TMEM74: variants seen among roughly 807,000 people sequenced by gnomAD.
The protein encoded by TMEM74 is transmembrane protein 74.
Under a neutral mutation model 18.1 loss-of-function variants are expected in TMEM74, and 13 were observed. The ratio of observed to expected loss-of-function variants is 0.72; its 90% confidence interval spans 0.47 to 1.14. The LOEUF (loss-of-function observed/expected upper bound fraction) is 1.14, where lower values mean the gene tolerates loss of function less well. Ranked by LOEUF, TMEM74 falls within the 50% of genes most tolerant of loss-of-function variation. TMEM74 has a pLI of 0.00. For synonymous variants in TMEM74, 159 were observed against 146.6 expected (o/e 1.08, Z -0.61); for missense variants, 372 against 375.9 (o/e 0.99, Z 0.09).
At chr8:108,662,876 G>C (rs776083903) in intron 1 of TMEM74, among the ~76,000 whole-genome samples, 9 of 152,104 alleles carry the variant, frequency 5.9e-5, no homozygotes, top group Non-Finnish European at 1.3e-4. Context: ...ACAGTACTCT[G>C]ACTCACCCTG....
At chr8:108,617,194 T>A (rs550849689) in intron 2 of TMEM74, among the ~76,000 whole-genome samples, 1 of 151,850 alleles carries the variant, frequency 6.6e-6, no homozygotes, top group East Asian at 2.0e-4. Flanking sequence ...CGCAAGCAGA[T>A]GCAAAGGCCC....
chr8:108,670,380 T>C (rs1812992238), intron 1 of TMEM74, among the ~76,000 whole-genome samples: 1 of 152,046 alleles, frequency 6.6e-6, no homozygotes, highest in African/African-American at 2.4e-5. Context: ...AAGAAAGGAG[T>C]GTCTTAGTTT....
chr8:108,631,855 C>G (rs1211804286), intron 2 of TMEM74, among the ~76,000 whole-genome samples: 1 of 152,000 alleles, frequency 6.6e-6, no homozygotes, highest in Non-Finnish European at 1.5e-5. Context: ...TTGACCAATA[C>G]AAGCCACTGG....
intron 2 of TMEM74, among the ~76,000 whole-genome samples, chr8:108,651,941 TAA>T (rs762994031): frequency 5.0e-5 from 7 of 140,882 alleles, no homozygotes; most frequent in Non-Finnish European, 4.7e-5. Flanking sequence ...CATGTGTCGC[TAA>T]AAAAAAAAAA....
intron 1 of TMEM74, among the ~76,000 whole-genome samples, chr8:108,669,201 G>A (rs527629345): frequency 8.5e-5 from 13 of 152,142 alleles, no homozygotes; most frequent in Admixed American, 3.3e-4. Context: ...TATCAAATAC[G>A]TAACTTCTCC....
intron 1 of TMEM74, among the ~76,000 whole-genome samples, chr8:108,656,082 G>T (rs1812818689): frequency 6.6e-6 from 1 of 152,132 alleles, no homozygotes; most frequent in African/African-American, 2.4e-5. Context: ...TCATTCAAAA[G>T]GAATTTTCCC....
chr8:108,677,532 CTTAG>C (rs1039672892), intron 1 of TMEM74, among the ~76,000 whole-genome samples: 8 of 147,766 alleles, frequency 5.4e-5, no homozygotes, highest in African/African-American at 1.8e-4. Flanking sequence ...TCAAAACGGC[CTTAG>C]TATTCTGTTG....
At chr8:108,681,535 C>G (rs944306348) in intron 1 of TMEM74, among the ~76,000 whole-genome samples, 2 of 152,102 alleles carry the variant, frequency 1.3e-5, no homozygotes, top group African/African-American at 4.8e-5. Flanking sequence ...ATTAAGTTCT[C>G]TTAAATAGAA....
At chr8:108,722,752 T>A (rs545969312) in intron 1 of TMEM74, among the ~76,000 whole-genome samples, 25 of 150,866 alleles carry the variant, frequency 1.7e-4, no homozygotes, top group African/African-American at 5.9e-4. Flanking sequence ...ATTTTTTTTT[T>A]AAAAGGGGAT....
Position 108,784,758 on chromosome 8 carries a change from A to C in TMEM74, c.341T>G (p.Val114Gly), listed in dbSNP as rs200476024. ...SQELETSFTY[V>G]DKNINLEQRN... Reference sequence around the variant, plus strand: ...CTGCTCCAAGTTGATGTTTTTGTCCACATAGGTAAAAGAAGTTTCTAATTC... The same window carrying C: ...CTGCTCCAAGTTGATGTTTTTGTCCCCATAGGTAAAAGAAGTTTCTAATTC... The change falls in exon 2 of 2, where the codon GTG (valine) becomes GGG (glycine). Residue 114 changes from valine (V) to glycine (G), a missense_variant. Coordinates refer to ENST00000297459, the MANE Select transcript of TMEM74 (RefSeq NM_153015.3). 4 of 1,614,184 alleles carry C rather than the reference A, an allele frequency of 2.5e-6. No homozygotes were observed.
At chr8:108,772,821 G>C (rs1390209228) in intron 1 of TMEM74, among the ~76,000 whole-genome samples, 3 of 152,122 alleles carry the variant, frequency 2.0e-5, no homozygotes, top group African/African-American at 7.2e-5. Flanking sequence ...CCTTGGGGAA[G>C]CTAATAATTT....
intron 2 of TMEM74, among the ~76,000 whole-genome samples, chr8:108,629,162 A>C (rs1812525576): frequency 6.6e-6 from 1 of 152,098 alleles, no homozygotes; most frequent in Non-Finnish European, 1.5e-5. Flanking sequence ...GCTGAAAAAC[A>C]CAGCACGAGA....
At chr8:108,670,180 T>G (rs942900455) in intron 1 of TMEM74, among the ~76,000 whole-genome samples, 2 of 152,172 alleles carry the variant, frequency 1.3e-5, no homozygotes, top group African/African-American at 4.8e-5. Flanking sequence ...AATTATTTGA[T>G]CTGCTGTCAA....
intron 2 of TMEM74, among the ~76,000 whole-genome samples, chr8:108,630,731 G>T (rs1014220234): frequency 6.6e-6 from 1 of 151,970 alleles, no homozygotes; most frequent in African/African-American, 2.4e-5. Context: ...GTTATTTACT[G>T]GGTAAATAAT....
rs186182930 is a variant in TMEM74 at position 108,648,110 on chromosome 8, C to T, written n.264+7183G>A. Among the ~76,000 whole-genome samples the T allele has an allele frequency of 1.6e-3, 251 of 152,180 alleles. 3 individuals are homozygous for T. Among genetic ancestry groups the T allele is most frequent in the Admixed American group, 0.014 (210 of 15,258 alleles). ...TTGAAAAATAGCCACAGGTTCTTCC[C>T]GTTTTTTTGCATCCAGGTTCTTACA... On this transcript the variant is annotated intron_variant and non_coding_transcript_variant, in intron 2 of 3. Transcript: ENST00000518838.
intron 1 of TMEM74, among the ~76,000 whole-genome samples, chr8:108,720,588 T>C (rs1240315547): frequency 2.0e-5 from 3 of 152,190 alleles, no homozygotes; most frequent in Non-Finnish European, 4.4e-5. Context: ...AATTAGGTAG[T>C]CTATAAGCTC....
At chr8:108,755,846 T>C (rs944788684) in intron 1 of TMEM74, among the ~76,000 whole-genome samples, 1 of 152,012 alleles carries the variant, frequency 6.6e-6, no homozygotes, top group Non-Finnish European at 1.5e-5. Flanking sequence ...CATATTAAAA[T>C]TAACTTAAGG....
At chr8:108,640,368 C>G (rs1812652056) in intron 2 of TMEM74, among the ~76,000 whole-genome samples, 1 of 151,934 alleles carries the variant, frequency 6.6e-6, no homozygotes, top group Non-Finnish European at 1.5e-5. Flanking sequence ...CCTGCCTCGG[C>G]CTCCCAAAGT....
chr8:108,739,354 G>A (rs913349330), intron 1 of TMEM74, among the ~76,000 whole-genome samples: 2 of 152,142 alleles, frequency 1.3e-5, no homozygotes, highest in East Asian at 3.8e-4. Context: ...TTGTGATAAC[G>A]CTTCTGTAGA....
Sources: allele counts gnomAD v4.1 joint callset (sites outside exome capture counted in the v4.1 genomes callset), GRCh38; gene constraint gnomAD v4.1.1; transcripts MANE v1.5; gene names NCBI Gene and HGNC (gene_info 2026-07-23, HGNC 2026-07-21).